PLD5: variants seen among roughly 807,000 people sequenced by gnomAD.
PLD5 encodes inactive phospholipase D5.
PLD5 carries 36 observed loss-of-function variants against 61.1 expected under a neutral mutation model. The ratio of observed to expected loss-of-function variants is 0.59; its 90% CI spans 0.45 to 0.78. PLD5 has a LOEUF of 0.78. Among genes scored for constraint, PLD5 ranks in the 30% least tolerant of loss-of-function variants. The pLI is 0.00. For missense variants in PLD5, 515 were observed against 644.4 expected (o/e 0.80, Z 2.17); for synonymous variants, 243 against 242.8 (o/e 1.00, Z -0.01).
At chr1:242,194,345 A>G (rs1298999718) in intron 5 of PLD5, among the ~76,000 whole-genome samples, 1 of 152,214 alleles carries the variant, frequency 6.6e-6, no homozygotes, top group Non-Finnish European at 1.5e-5. Flanking sequence ...TACAACCACT[A>G]TGGAAAACAG....
rs1168485889 is a variant in PLD5, at chr1:242,180,656, T to C, written c.735+39332A>G. ...ACTAAATTTCTGGCTCCAGAGTTTC[T>C]ATTTAATAGGTCTGTGTTGGAACTC... On this transcript the variant is annotated intron_variant, in intron 5 of 9. Coordinates refer to ENST00000536534, the MANE Select transcript of PLD5 (RefSeq NM_001372062.1). 2.0e-5 allele frequency among the ~76,000 whole-genome samples: 3 copies of C among 152,294 alleles called. No homozygotes were observed. The East Asian group carries it at 5.8e-4, about 29-fold the overall frequency.
chr1:242,252,093 T>A (rs1168552396), intron 4 of PLD5, among the ~76,000 whole-genome samples: 2 of 151,988 alleles, frequency 1.3e-5, no homozygotes, highest in Non-Finnish European at 2.9e-5. Context: ...GTGTATGACG[T>A]AGGAGGAAGT....
intron 4 of PLD5, among the ~76,000 whole-genome samples, chr1:242,253,604 C>T (rs1388890758): frequency 2.6e-5 from 4 of 152,096 alleles, no homozygotes; most frequent in African/African-American, 4.8e-5. Flanking sequence ...TGAGCCACCG[C>T]GCCCGGCCGC....
chr1:242,334,812 C>T (rs1229111683), intron 2 of PLD5, among the ~76,000 whole-genome samples: 4 of 152,152 alleles, frequency 2.6e-5, no homozygotes, highest in Non-Finnish European at 4.4e-5. Flanking sequence ...ATGAACAGTA[C>T]AGAAAGTTGG....
chr1:242,281,748 G>T (rs973232653), intron 3 of PLD5, among the ~76,000 whole-genome samples: 2 of 152,104 alleles, frequency 1.3e-5, no homozygotes, highest in Non-Finnish European at 2.9e-5. Flanking sequence ...AGTCCTTCTA[G>T]ATGTTTTCCA....
At chr1:242,184,824 G>A (rs1667768454) in intron 5 of PLD5, among the ~76,000 whole-genome samples, 1 of 152,216 alleles carries the variant, frequency 6.6e-6, no homozygotes, top group Non-Finnish European at 1.5e-5. Flanking sequence ...GCAGTAAGCA[G>A]TTGAAGTACT....
intron 1 of PLD5, among the ~76,000 whole-genome samples, chr1:242,515,021 A>G (rs528130840): frequency 1.3e-5 from 2 of 152,326 alleles, no homozygotes; most frequent in South Asian, 2.1e-4. Context: ...GGAAATCTAC[A>G]TAAAGATGCA....
Position 242,288,349 on chromosome 1 carries a change from G to C in PLD5, c.495+13C>G. 1 of 1,610,474 alleles carries C rather than the reference G, an allele frequency of 6.2e-7. No individual in the cohort carries two copies. Among genetic ancestry groups the C allele is most frequent in the East Asian group, 2.2e-5 (1 of 44,838 alleles). On this transcript the variant is annotated intron_variant, in intron 3 of 9. Transcript: ENST00000536534. ...TAAGTAAAATCATCACACACACAGA[G>C]GATGTAGCTTACCTGACATGCTGAT...
At chr1:242,390,256 C>A (rs1662851756) in intron 1 of PLD5, among the ~76,000 whole-genome samples, 2 of 152,070 alleles carry the variant, frequency 1.3e-5, no homozygotes, top group Non-Finnish European at 2.9e-5. Context: ...GACAGGGTTT[C>A]ACCTTGTTGG....
chr1:242,141,479 C>T (rs867662270), intron 5 of PLD5, among the ~76,000 whole-genome samples: 5 of 152,136 alleles, frequency 3.3e-5, no homozygotes, highest in South Asian at 4.1e-4. Context: ...GAAAAGTCCG[C>T]GTCTTGTCTT....
upstream of PLD5, among the ~76,000 whole-genome samples, chr1:242,525,310 C>A (rs988257563): frequency 1.3e-5 from 2 of 151,350 alleles, no homozygotes; most frequent in African/African-American, 2.4e-5. Flanking sequence ...TAGAACCGGG[C>A]TCCCCGGGCC....
intron 1 of PLD5, among the ~76,000 whole-genome samples, chr1:242,513,846 C>T (rs948550389): frequency 3.9e-5 from 6 of 152,204 alleles, no homozygotes; most frequent in Admixed American, 2.0e-4. Context: ...ACTCAATAAA[C>T]GTTTCCTGAA....
intron 5 of PLD5, among the ~76,000 whole-genome samples, chr1:242,126,132 G>A (rs1053025594): frequency 1.3e-5 from 2 of 152,170 alleles, no homozygotes; most frequent in African/African-American, 4.8e-5. Flanking sequence ...GGAGGTGAAA[G>A]ATCTCTACAA....
chr1:242,354,643 C>G (rs1660657015), intron 1 of PLD5, among the ~76,000 whole-genome samples: 1 of 152,038 alleles, frequency 6.6e-6, no homozygotes, highest in South Asian at 2.1e-4. Flanking sequence ...ACTTACTCTT[C>G]TTTCAAGGAC....
At chr1:242,485,866 G>C (rs1205888854) in intron 1 of PLD5, among the ~76,000 whole-genome samples, 1 of 152,140 alleles carries the variant, frequency 6.6e-6, no homozygotes, top group Non-Finnish European at 1.5e-5. Flanking sequence ...CCAAAACAGA[G>C]ATATAGACCA....
intron 4 of PLD5, among the ~76,000 whole-genome samples, chr1:242,240,289 G>A (rs443740): frequency 0.051 from 7,753 of 152,190 alleles, 671 homozygotes; most frequent in African/African-American, 0.18. Flanking sequence ...AAATCCCATT[G>A]CTTCATCCTG....
At chr1:242,332,247 T>C (rs940659887) in intron 2 of PLD5, among the ~76,000 whole-genome samples, 3 of 152,200 alleles carry the variant, frequency 2.0e-5, no homozygotes, top group African/African-American at 7.2e-5. Flanking sequence ...TAGTATTTCA[T>C]GGTGTATATG....
intron 1 of PLD5, among the ~76,000 whole-genome samples, chr1:242,403,209 C>A (rs142480193): frequency 6.6e-6 from 1 of 152,172 alleles, no homozygotes; most frequent in Non-Finnish European, 1.5e-5. Flanking sequence ...CTCTGCAGCA[C>A]ACTCTAGGGC....
intron 1 of PLD5, among the ~76,000 whole-genome samples, chr1:242,361,296 C>T (rs12093381): frequency 6.6e-6 from 1 of 152,102 alleles, no homozygotes; most frequent in African/African-American, 2.4e-5. Context: ...GAACAATGTA[C>T]TATAACAATA....
Sources: gnomAD v4.1 joint callset for allele counts (sites outside exome capture counted in the v4.1 genomes callset) on GRCh38, gnomAD v4.1.1 for gene constraint, MANE v1.5 for transcripts, NCBI Gene and HGNC (gene_info 2026-07-23, HGNC 2026-07-21) for gene names.